MACROD2: variants seen among roughly 807,000 people sequenced by gnomAD.
MACROD2 encodes ADP-ribose glycohydrolase MACROD2.
MACROD2 carries 36 observed loss-of-function variants against 70.4 expected under a neutral mutation model. The ratio of observed to expected loss-of-function variants is 0.51; its 90% CI spans 0.39 to 0.68. The LOEUF is 0.68. Ranked by LOEUF, MACROD2 falls within the 30% of genes least tolerant of loss-of-function variation. The pLI is 0.00. For synonymous variants in MACROD2, 172 were observed against 178.8 expected (o/e 0.96, Z 0.30); for missense variants, 496 against 538.4 (o/e 0.92, Z 0.78).
At chr20:14,358,338 A>G (rs1032575227) in intron 3 of MACROD2, among the ~76,000 whole-genome samples, 12 of 152,132 alleles carry the variant, frequency 7.9e-5, no homozygotes, top group African/African-American at 2.7e-4. Context: ...GGGGCTCAAT[A>G]TAATTTTTAT....
intron 3 of MACROD2, among the ~76,000 whole-genome samples, chr20:14,466,140 G>A (rs1221847608): frequency 1.3e-5 from 2 of 152,190 alleles, no homozygotes; most frequent in Non-Finnish European, 2.9e-5. Flanking sequence ...TTCCAACTTG[G>A]TTCCATTCTC....
chr20:14,263,568 T>C (rs1368953671), intron 3 of MACROD2, among the ~76,000 whole-genome samples: 1 of 152,142 alleles, frequency 6.6e-6, no homozygotes, highest in East Asian at 1.9e-4. Context: ...TTGTGCCATC[T>C]TAAGCAGAGC....
intron 8 of MACROD2, among the ~76,000 whole-genome samples, chr20:15,621,094 A>G (rs1403876315): frequency 6.6e-6 from 1 of 152,108 alleles, no homozygotes; most frequent in Non-Finnish European, 1.5e-5. Flanking sequence ...ATACTTGGGG[A>G]TGTCACTTTG....
chr20:14,945,664 G>A (rs528524938), intron 5 of MACROD2, among the ~76,000 whole-genome samples: 17 of 152,214 alleles, frequency 1.1e-4, no homozygotes, highest in African/African-American at 3.9e-4. Context: ...AAGAAGAACC[G>A]AATGCTTTTA....
chr20:15,437,929 C>T (rs1168387051), intron 7 of MACROD2, among the ~76,000 whole-genome samples: 1 of 151,914 alleles, frequency 6.6e-6, no homozygotes, highest in African/African-American at 2.4e-5. Flanking sequence ...GATTTCATGT[C>T]TTTGCTATTG....
chr20:14,437,741 A>G (rs1245123090), intron 3 of MACROD2, among the ~76,000 whole-genome samples: 1 of 152,190 alleles, frequency 6.6e-6, no homozygotes, highest in Non-Finnish European at 1.5e-5. Flanking sequence ...ATATAAATGA[A>G]TTTTGCTTTT....
chr20:15,452,425 C>T (rs943113773), intron 7 of MACROD2, among the ~76,000 whole-genome samples: 18 of 152,050 alleles, frequency 1.2e-4, no homozygotes, highest in African/African-American at 4.3e-4. Context: ...CCCTGCCTGC[C>T]AGTAGAATAT....
chr20:14,078,792 G>C (rs2053950803), intron 2 of MACROD2, among the ~76,000 whole-genome samples: 4 of 152,058 alleles, frequency 2.6e-5, no homozygotes, highest in Admixed American at 2.6e-4. Context: ...CTTTCACCTA[G>C]TAAAAATTTT....
intron 8 of MACROD2, among the ~76,000 whole-genome samples, chr20:15,599,224 CAA>C (rs74553658): frequency 6.1e-5 from 8 of 131,974 alleles, no homozygotes; most frequent in Non-Finnish European, 4.9e-5. Flanking sequence ...TACTAAAATA[CAA>C]AAAAAAAAAA....
chr20:15,493,898 C>T (rs1330037617), intron 7 of MACROD2, among the ~76,000 whole-genome samples: 2 of 152,130 alleles, frequency 1.3e-5, no homozygotes, highest in Non-Finnish European at 2.9e-5. Flanking sequence ...AAATGTCCAC[C>T]TAATGAGTTA....
At chr20:15,139,858 T>C (rs2076178543) in intron 5 of MACROD2, among the ~76,000 whole-genome samples, 1 of 152,116 alleles carries the variant, frequency 6.6e-6, no homozygotes, top group Non-Finnish European at 1.5e-5. Context: ...CATGCACAAG[T>C]GGCATATAGA....
At chr20:15,744,620 G>A (rs1185219795) in intron 8 of MACROD2, among the ~76,000 whole-genome samples, 1 of 151,632 alleles carries the variant, frequency 6.6e-6, no homozygotes, top group African/African-American at 2.4e-5. Flanking sequence ...TGTAGCTGAA[G>A]AAAACTGAAG....
At chr20:14,605,127 T>C (rs1034269238) in intron 4 of MACROD2, among the ~76,000 whole-genome samples, 4 of 152,156 alleles carry the variant, frequency 2.6e-5, no homozygotes, top group African/African-American at 9.7e-5. Context: ...TCCAGATAGC[T>C]AGTAAAGGGA....
intron 5 of MACROD2, among the ~76,000 whole-genome samples, chr20:14,890,904 G>T (rs149739566): frequency 0.012 from 1,830 of 151,992 alleles, 31 homozygotes; most frequent in East Asian, 0.056. Flanking sequence ...TGAATGTCAT[G>T]ATGGAAATCA....
intron 2 of MACROD2, among the ~76,000 whole-genome samples, chr20:14,038,664 T>A (rs1247315927): frequency 6.6e-6 from 1 of 152,258 alleles, no homozygotes. Flanking sequence ...GTCGTTTTTG[T>A]GGTTTATAAT....
rs541959067 is a variant in MACROD2 at position 15,896,832 on chromosome 20, C to T, written c.775+11021C>T. The stretch of plus-strand genomic sequence containing the variant: ...GTACTTTGGTTTCACACACTCAACA[C>T]CATACCAATAATGAAATTATTAGTA... On this transcript the variant is annotated intron_variant, in intron 10 of 17. Coordinates refer to ENST00000684519, the MANE Select transcript of MACROD2 (RefSeq NM_001351661.2). 9.2e-5 allele frequency among the ~76,000 whole-genome samples: 14 copies of T among 152,202 alleles called. No individual in the cohort carries two copies. In the East Asian group the frequency reaches 2.7e-3, roughly 29 times the overall value.
intron 5 of MACROD2, among the ~76,000 whole-genome samples, chr20:14,897,839 C>T (rs553484568): frequency 6.6e-6 from 1 of 152,244 alleles, no homozygotes; most frequent in South Asian, 2.1e-4. Flanking sequence ...GGGTGCTCTT[C>T]TTCATAGATG....
At chr20:15,808,549 TTTAC>T (rs1389141672) in intron 8 of MACROD2, among the ~76,000 whole-genome samples, 10 of 152,332 alleles carry the variant, frequency 6.6e-5, no homozygotes, top group Non-Finnish European at 1.3e-4. Flanking sequence ...AACTTACTAT[TTTAC>T]TTATAAAAGT....
intron 6 of MACROD2, among the ~76,000 whole-genome samples, chr20:15,310,171 G>A (rs1281751732): frequency 1.3e-5 from 2 of 152,164 alleles, no homozygotes; most frequent in Non-Finnish European, 2.9e-5. Context: ...TTTATAAGGT[G>A]CCTGGCAGAA....
Sources: allele counts gnomAD v4.1 joint callset (sites outside exome capture counted in the v4.1 genomes callset), GRCh38; gene constraint gnomAD v4.1.1; transcripts MANE v1.5; gene names NCBI Gene and HGNC (gene_info 2026-07-23, HGNC 2026-07-21).